The following TBL1XR1 variants were observed in gnomAD, a reference collection of about 807,000 sequenced individuals.
TBL1XR1 encodes F-box-like/WD repeat-containing protein TBL1XR1.
Under a neutral mutation model 66.9 loss-of-function variants are expected in TBL1XR1, and 5 were observed. The observed-to-expected ratio is 0.07, with a 90% CI of 0.04 to 0.16. The LOEUF (loss-of-function observed/expected upper bound fraction) is 0.16. Among genes scored for constraint, TBL1XR1 ranks in the 10% least tolerant of loss-of-function variants. The pLI is 1.00. For missense variants in TBL1XR1, 238 were observed against 623.2 expected, an observed-to-expected ratio of 0.38 and a Z score of 6.58; for synonymous variants, 210 against 206.0, an observed-to-expected ratio of 1.02 and a Z score of -0.17.
chr3:177,121,422 TTTC>T (rs1726958994), intron 1 of TBL1XR1, among the ~76,000 whole-genome samples: 2 of 152,176 alleles, frequency 1.3e-5, no homozygotes, highest in African/African-American at 4.8e-5. Context: ...TGTCAATCTT[TTTC>T]TTCCCTTCCA....
At chr3:177,092,994 G>C (rs1176586771) in intron 2 of TBL1XR1, among the ~76,000 whole-genome samples, 4 of 152,044 alleles carry the variant, frequency 2.6e-5, no homozygotes, top group Non-Finnish European at 5.9e-5. Context: ...GACATCAAGG[G>C]CATCCAAATC....
chr3:177,129,387 C>T (rs1452990240), intron 1 of TBL1XR1, among the ~76,000 whole-genome samples: 1 of 152,110 alleles, frequency 6.6e-6, no homozygotes, highest in East Asian at 1.9e-4. Flanking sequence ...AGTGCTCAAC[C>T]TCCTTGCAAG....
chr3:177,129,585 G>A (rs1728042066), intron 1 of TBL1XR1, among the ~76,000 whole-genome samples: 1 of 152,122 alleles, frequency 6.6e-6, no homozygotes, highest in Non-Finnish European at 1.5e-5. Flanking sequence ...CCAGAGGCTG[G>A]GGATAGAGTA....
intron 3 of TBL1XR1, among the ~76,000 whole-genome samples, chr3:177,055,562 G>A (rs907673254): frequency 2.0e-5 from 3 of 150,540 alleles, no homozygotes; most frequent in African/African-American, 7.3e-5. Context: ...GGCGGGGGTG[G>A]GGGGGTGGGG....
At chr3:177,135,266 T>G (rs1253884312) in intron 1 of TBL1XR1, among the ~76,000 whole-genome samples, 1 of 138,928 alleles carries the variant, frequency 7.2e-6, no homozygotes, top group Non-Finnish European at 1.5e-5. Context: ...CCTCCAAAAG[T>G]GCTGGGATTA....
chr3:177,084,090 AAAAAAAAAAAAAG>A (rs1560155772), intron 2 of TBL1XR1, among the ~76,000 whole-genome samples: 2 of 142,728 alleles, frequency 1.4e-5, no homozygotes, highest in East Asian at 2.1e-4. Context: ...TCCGTCTCAA[AAAAAAAAAAAAAG>A]AAAAAAGAAA....
intron 1 of TBL1XR1, among the ~76,000 whole-genome samples, chr3:177,185,681 C>CA (rs576027419): frequency 7.6e-4 from 114 of 150,824 alleles, no homozygotes; most frequent in African/African-American, 2.6e-3. Flanking sequence ...CCCTTATTAA[C>CA]AAAAAAATCA....
intron 1 of TBL1XR1, among the ~76,000 whole-genome samples, chr3:177,152,304 T>C (rs1048503173): frequency 3.3e-5 from 5 of 152,142 alleles, no homozygotes; most frequent in African/African-American, 1.2e-4. Flanking sequence ...CAGAGCCAAG[T>C]ACTTGACTAA....
intron 1 of TBL1XR1, among the ~76,000 whole-genome samples, chr3:177,113,497 G>C (rs1725914160): frequency 6.6e-6 from 1 of 151,926 alleles, no homozygotes; most frequent in Non-Finnish European, 1.5e-5. Context: ...AAGAACTTAA[G>C]ACAACTCAAT....
intron 10 of TBL1XR1, among the ~76,000 whole-genome samples, chr3:177,039,840 A>G (rs963813689): frequency 1.3e-5 from 2 of 152,216 alleles, no homozygotes; most frequent in South Asian, 4.1e-4. Flanking sequence ...GTGTCCATAA[A>G]TAAGAGTTTT....
intron 1 of TBL1XR1, among the ~76,000 whole-genome samples, chr3:177,101,229 T>C (rs994067055): frequency 2.6e-5 from 4 of 152,240 alleles, no homozygotes; most frequent in African/African-American, 9.6e-5. Flanking sequence ...TTCACTCTTG[T>C]AGTTTAAGTA....
At chr3:177,053,686 C>A (rs1477083364) in intron 4 of TBL1XR1, 87 bp downstream of exon 4, 2 of 1,325,992 alleles carry the variant, frequency 1.5e-6, no homozygotes, top group Admixed American at 2.0e-5. Flanking sequence ...AAGCTAAAGT[C>A]AGAATACTGA....
intron 2 of TBL1XR1, among the ~76,000 whole-genome samples, chr3:177,065,756 A>G (rs1719073436): frequency 6.6e-6 from 1 of 152,230 alleles, no homozygotes; most frequent in South Asian, 2.1e-4. Context: ...CAAACAATAA[A>G]TATTTCAGGC....
chr3:177,197,945 G>A (rs1239943646), upstream of TBL1XR1, among the ~76,000 whole-genome samples: 1 of 150,690 alleles, frequency 6.6e-6, no homozygotes, highest in Non-Finnish European at 1.5e-5. Context: ...CGCGGTGGCC[G>A]GGGTGGAGCC....
intron 3 of TBL1XR1, among the ~76,000 whole-genome samples, chr3:177,061,850 A>G (rs1203047180): frequency 1.3e-5 from 2 of 152,186 alleles, no homozygotes; most frequent in African/African-American, 4.8e-5. Flanking sequence ...GTACTTGGTG[A>G]TTCTGAATTA....
upstream of TBL1XR1, among the ~76,000 whole-genome samples, chr3:177,199,481 A>G (rs1156772659): frequency 6.6e-6 from 1 of 151,240 alleles, no homozygotes; most frequent in Non-Finnish European, 1.5e-5. Context: ...AAACATATCT[A>G]TTGGCTTAGA....
rs932673224 is a variant in TBL1XR1 at position 177,021,574 on chromosome 3, T to C, written c.*3924A>G. On this transcript the variant is annotated 3_prime_UTR_variant, in exon 16 of 16. Coordinates refer to ENST00000457928, the MANE Select transcript of TBL1XR1 (RefSeq NM_024665.7). ...GAATCATGTTTAAAAAAAACTGATA[T>C]TAAATGTGACACTTCAGAGCTACTA... is the stretch of plus-strand genomic sequence containing the variant. 9.2e-5 allele frequency: 14 copies of C among 152,570 alleles called. No individual in the cohort carries two copies. The highest frequency in any genetic ancestry group is 3.4e-4 in the African/African-American group (14 of 41,454). The allele number at this position is 152,570 out of a possible 1,614,324, so 9.5% of individuals were successfully genotyped here.
intron 3 of TBL1XR1, among the ~76,000 whole-genome samples, chr3:177,057,901 C>T (rs935182373): frequency 2.0e-5 from 3 of 152,058 alleles, no homozygotes; most frequent in Non-Finnish European, 4.4e-5. Context: ...AGACGAGCAA[C>T]GACAGCTGGC....
intron 2 of TBL1XR1, among the ~76,000 whole-genome samples, chr3:177,073,107 C>T (rs1720257919): frequency 6.6e-6 from 1 of 152,008 alleles, no homozygotes; most frequent in African/African-American, 2.4e-5. Flanking sequence ...ACAAAATTTC[C>T]ATTTTAATAT....
Sources: gnomAD v4.1 joint callset for allele counts (sites outside exome capture counted in the v4.1 genomes callset) on GRCh38, gnomAD v4.1.1 for gene constraint, MANE v1.5 for transcripts, NCBI Gene and HGNC (gene_info 2026-07-23, HGNC 2026-07-21) for gene names.